Variants in SYN3 observed in about 807,000 individuals in gnomAD.
SYN3 encodes the protein synapsin-3.
A neutral mutation model predicts 65.8 loss-of-function variants in SYN3; 35 were observed. That is an observed-to-expected ratio of 0.53 (90% CI 0.41 to 0.70). SYN3 has a LOEUF of 0.70. Among genes scored for constraint, SYN3 ranks in the 30% least tolerant of loss-of-function variants. The pLI is 0.00. For missense variants in SYN3, 680 were observed against 749.0 expected (o/e 0.91, Z 1.08); for synonymous variants, 270 against 292.9 (o/e 0.92, Z 0.80).
chr22:32,527,702 T>G, intron 12 of SYN3: 1 of 526,974 alleles, frequency 1.9e-6, no homozygotes, highest in Non-Finnish European at 3.3e-6. Flanking sequence ...CAGTGCTTGG[T>G]GCATATTAGG....
intron 6 of SYN3, among the ~76,000 whole-genome samples, chr22:32,685,425 C>T (rs1262417891): frequency 2.0e-5 from 3 of 152,186 alleles, no homozygotes; most frequent in East Asian, 3.8e-4. Context: ...AGTGATGAAC[C>T]GCATATACAA....
intron 6 of SYN3, among the ~76,000 whole-genome samples, chr22:32,727,748 T>G (rs1041612824): frequency 2.6e-5 from 4 of 152,242 alleles, no homozygotes; most frequent in Non-Finnish European, 5.9e-5. Flanking sequence ...TGTTGAGCTT[T>G]TTTGTGTTTG....
intron 6 of SYN3, among the ~76,000 whole-genome samples, chr22:32,757,294 C>CTTT (rs148259174): frequency 8.8e-6 from 1 of 113,194 alleles, no homozygotes; most frequent in Non-Finnish European, 1.8e-5. Flanking sequence ...CTCCTCCTAC[C>CTTT]TTTTTTTTTT....
intron 6 of SYN3, among the ~76,000 whole-genome samples, chr22:32,697,045 C>T (rs2060746287): frequency 6.6e-6 from 1 of 152,202 alleles, no homozygotes; most frequent in Admixed American, 6.5e-5. Flanking sequence ...GTAAGGTAGC[C>T]AGCTGCCCTA....
chr22:33,023,942 T>C (rs1263587771), intron 1 of SYN3, among the ~76,000 whole-genome samples: 2 of 152,350 alleles, frequency 1.3e-5, no homozygotes, highest in East Asian at 3.9e-4. Context: ...AAACTGAAGC[T>C]GGAGAGGTGT....
At chr22:32,786,899 G>T (rs2046207477) in intron 6 of SYN3, among the ~76,000 whole-genome samples, 1 of 152,108 alleles carries the variant, frequency 6.6e-6, no homozygotes, top group African/African-American at 2.4e-5. Context: ...GGGAATGGGA[G>T]GCTGGGGCAG....
chr22:32,954,270 G>A (rs2051379334), intron 3 of SYN3, among the ~76,000 whole-genome samples: 1 of 152,108 alleles, frequency 6.6e-6, no homozygotes. Flanking sequence ...TTCATCGAAG[G>A]GGAGAAAAAG....
At chr22:32,555,363 T>G (rs2858344) in intron 7 of SYN3, among the ~76,000 whole-genome samples, 17,588 of 152,228 alleles carry the variant, frequency 0.12, 1,651 homozygotes, top group East Asian at 0.44. Context: ...GAATCAATCC[T>G]GATACAGAAA....
Position 33,006,668 on chromosome 22 carries a change from T to C in SYN3, c.-6A>G. 1.3e-6 allele frequency: 2 copies of C among 1,564,084 alleles called. No individual in the cohort carries two copies. Among genetic ancestry groups the C allele is most frequent in the Non-Finnish European group, 1.7e-6 (2 of 1,154,438 alleles). ...CGTCGCCGGAGGAAATTCATGGCTG[T>C]GGATGGATGGAGATGACTGGCTCCT... On this transcript the variant is annotated 5_prime_UTR_variant, in exon 2 of 14. Transcript: ENST00000358763.
Position 33,027,330 on chromosome 22 carries a change from C to A in SYN3, c.-162-20506G>T, listed in dbSNP as rs189474192. ...GAAAACTTCAGGCCGGGCACGGTGA[C>A]TCACGCCTGTAATCCCAGCACTTTG... On this transcript the variant is annotated intron_variant, in intron 1 of 13. Coordinates refer to ENST00000358763, the MANE Select transcript of SYN3 (RefSeq NM_003490.4). 1.9e-3 allele frequency among the ~76,000 whole-genome samples: 286 copies of A among 152,246 alleles called. 1 individual carries two copies. The highest frequency in any genetic ancestry group is 3.4e-3 in the Non-Finnish European group (233 of 68,022).
intron 4 of SYN3, among the ~76,000 whole-genome samples, chr22:32,870,631 A>G (rs1414054698): frequency 6.6e-6 from 1 of 152,210 alleles, no homozygotes; most frequent in African/African-American, 2.4e-5. Flanking sequence ...ACATCTCACA[A>G]ATTGTTTATG....
chr22:32,713,205 T>C (rs182966829), intron 6 of SYN3, among the ~76,000 whole-genome samples: 1 of 152,336 alleles, frequency 6.6e-6, no homozygotes, highest in East Asian at 1.9e-4. Context: ...TGGTTGATCA[T>C]TCTGTATATT....
At chr22:32,945,154 C>T (rs1363112636) in intron 3 of SYN3, among the ~76,000 whole-genome samples, 1 of 152,176 alleles carries the variant, frequency 6.6e-6, no homozygotes, top group Non-Finnish European at 1.5e-5. Context: ...CCCCATTAAG[C>T]TACCAATGAC....
intron 2 of SYN3, among the ~76,000 whole-genome samples, chr22:32,986,614 G>A (rs891312633): frequency 9.2e-5 from 14 of 152,118 alleles, no homozygotes; most frequent in Non-Finnish European, 1.9e-4. Context: ...GGGTAGGGAT[G>A]GTCTGGAATT....
At chr22:33,056,367 C>T (rs2054253555) in intron 1 of SYN3, among the ~76,000 whole-genome samples, 1 of 152,148 alleles carries the variant, frequency 6.6e-6, no homozygotes, top group African/African-American at 2.4e-5. Context: ...TGGGGAAATG[C>T]TCAACTCCCC....
At chr22:32,876,300 T>G (rs2048980072) in intron 4 of SYN3, among the ~76,000 whole-genome samples, 1 of 152,158 alleles carries the variant, frequency 6.6e-6, no homozygotes, top group South Asian at 2.1e-4. Flanking sequence ...CACCTCCTAA[T>G]GGCCCCACCT....
At chr22:32,772,570 A>G (rs1329027254) in intron 6 of SYN3, among the ~76,000 whole-genome samples, 1 of 152,212 alleles carries the variant, frequency 6.6e-6, no homozygotes, top group Non-Finnish European at 1.5e-5. Context: ...ACTTATTTGG[A>G]AAAAGAGCCT....
intron 6 of SYN3, among the ~76,000 whole-genome samples, chr22:32,841,784 T>C (rs866873512): frequency 6.6e-6 from 1 of 152,034 alleles, no homozygotes; most frequent in Non-Finnish European, 1.5e-5. Context: ...ATCACTATGG[T>C]ACATGTTTAC....
intron 6 of SYN3, among the ~76,000 whole-genome samples, chr22:32,760,715 C>A (rs531812813): frequency 6.6e-6 from 1 of 152,122 alleles, no homozygotes; most frequent in Non-Finnish European, 1.5e-5. Flanking sequence ...TTCAGAGGGG[C>A]GGTGTAAAGA....
Sources: gnomAD v4.1 joint callset for allele counts (sites outside exome capture counted in the v4.1 genomes callset) on GRCh38, gnomAD v4.1.1 for gene constraint, MANE v1.5 for transcripts, NCBI Gene and HGNC (gene_info 2026-07-23, HGNC 2026-07-21) for gene names.